KLF3: variants seen among roughly 807,000 people sequenced by gnomAD.
The protein encoded by KLF3 is Krueppel-like factor 3.
In KLF3, 6 loss-of-function variants were observed where a neutral mutation model predicts 32.7. The observed-to-expected ratio is 0.18, with a 90% CI of 0.10 to 0.36. KLF3 has a LOEUF of 0.36. Among genes scored for constraint, KLF3 ranks in the 10% least tolerant of loss-of-function variants. KLF3 has a pLI of 1.00. For synonymous variants in KLF3, 145 were observed against 172.8 expected, an observed-to-expected ratio of 0.84 and a Z score of 1.26; for missense variants, 338 against 449.7, an observed-to-expected ratio of 0.75 and a Z score of 2.25.
intron 1 of KLF3, chr4:38,664,816 C>T (rs969191946): frequency 1.3e-5 from 2 of 152,064 alleles, no homozygotes; most frequent in African/African-American, 4.8e-5. Flanking sequence ...CGGCCTCCTC[C>T]CGCCCGCTCA....
intron 1 of KLF3, chr4:38,664,930 CG>C (rs1453521967): frequency 6.7e-6 from 1 of 150,270 alleles, no homozygotes; most frequent in African/African-American, 2.4e-5. Flanking sequence ...CTCCCCCTCC[CG>C]GTGCCCCCCC....
rs540399541 is a variant in KLF3 at position 38,674,603 on chromosome 4, C to T, written c.-39-5984C>T. On this transcript the variant is annotated intron_variant, in intron 1 of 5. Transcript: ENST00000261438. This position sits in a 1 kb window ranked among gnomAD's most constrained non-coding sequence, Gnocchi z 4.1. Reference sequence around the variant, plus strand: ...TGCCTAGCCGAGGTCAGCTGGGAGACGGAAGTTTGCTTGGAGGAAGGCAGG... The same window carrying T: ...TGCCTAGCCGAGGTCAGCTGGGAGATGGAAGTTTGCTTGGAGGAAGGCAGG... Among the ~76,000 whole-genome samples the T allele has an allele frequency of 7.6e-4, 116 of 152,072 alleles. No individual in the cohort carries two copies. The highest frequency in any genetic ancestry group is 2.7e-3 in the African/African-American group (114 of 41,468).
At chr4:38,676,903 C>A (rs1722369397) in intron 1 of KLF3, among the ~76,000 whole-genome samples, 1 of 151,138 alleles carries the variant, frequency 6.6e-6, no homozygotes, top group South Asian at 2.1e-4. Context: ...AATAAACATA[C>A]CCTTGTAATT....
In KLF3 at chr4:38,688,489, T is replaced by G; in HGVS notation, c.58-96T>G. On this transcript the variant is annotated intron_variant, in intron 2 of 5. Transcript: ENST00000261438. This position sits in a 1 kb window ranked among gnomAD's most constrained non-coding sequence, Gnocchi z 4.9. ...AAACTATTTTGTAAAGCCCATGTAA[T>G]TGTTAAGTGCCTTGTTAGCATATTT... 8.1e-7 allele frequency: 1 copy of G among 1,230,002 alleles called. No individual in the cohort carries two copies. The highest frequency in any genetic ancestry group is 1.1e-6 in the Non-Finnish European group (1 of 883,220). 76.2% of individuals were successfully genotyped at this position (1,230,002 alleles called of 1,614,324 possible). A position where few individuals can be genotyped will look rare whatever the true frequency, so the allele number is the denominator to read the frequency against.
chr4:38,669,210 A>C (rs1722129636), intron 1 of KLF3, among the ~76,000 whole-genome samples: 1 of 152,186 alleles, frequency 6.6e-6, no homozygotes, highest in African/African-American at 2.4e-5. Context: ...ATCATTTATC[A>C]TTGGTTCTAG....
Position 38,694,825 on chromosome 4 carries a change from A to T in KLF3, c.775A>T (p.Ile259Leu). 6.2e-7 allele frequency: 1 copy of T among 1,608,910 alleles called. No homozygotes were observed. The highest frequency in any genetic ancestry group is 8.5e-7 in the Non-Finnish European group (1 of 1,178,266). The change falls in exon 5 of 6, where the codon ATA becomes TTA. Residue 259 changes from isoleucine to leucine, a missense_variant. Ile to Leu is a conservative substitution (Grantham distance 5). Transcript: ENST00000261438. ...CCCGGATACTCAAAGGAAGCGGAGG[A>T]TACACAGATGTGATTATGATGGATG... The part of the protein sequence containing the change: ...ESPDTQRKRR[I>L]HRCDYDGCNK...
In KLF3 at chr4:38,671,206, C is replaced by T. The variant is rs994204877; in HGVS notation, c.-40+6745C>T. 2.0e-5 allele frequency among the ~76,000 whole-genome samples: 3 copies of T among 152,206 alleles called. No homozygotes were observed. Among genetic ancestry groups the T allele is most frequent in the Admixed American group, 6.5e-5 (1 of 15,286 alleles). On this transcript the variant is annotated intron_variant, in intron 1 of 5. Coordinates refer to ENST00000261438, the MANE Select transcript of KLF3 (RefSeq NM_016531.6). The surrounding 1 kb of genome is among the most constrained non-coding windows in gnomAD (Gnocchi z 4.4). Reference sequence around the variant, plus strand: ...CTCCAACCAGCTCTGTGAAATTGGGCGAGTCATTTCACCTCTGTTCCTCCA... The same window carrying T: ...CTCCAACCAGCTCTGTGAAATTGGGTGAGTCATTTCACCTCTGTTCCTCCA...
In KLF3 at chr4:38,675,297, G is replaced by T. The variant is rs537357613; in HGVS notation, c.-39-5290G>T. On this transcript the variant is annotated intron_variant, in intron 1 of 5. Coordinates refer to ENST00000261438, the MANE Select transcript of KLF3 (RefSeq NM_016531.6). ...GGAAGATGGCATTTGCTCCAGTTAT[G>T]GAAAATTATTTTGGCGGTGGTGATG... Among the ~76,000 whole-genome samples, 497 of 152,248 alleles carry T rather than the reference G, an allele frequency of 3.3e-3. 5 individuals carry two copies. Among genetic ancestry groups the T allele is most frequent in the Non-Finnish European group, 5.2e-3 (356 of 68,018 alleles).
chr4:38,673,645 T>A (rs1275615184), intron 1 of KLF3, among the ~76,000 whole-genome samples: 1 of 152,176 alleles, frequency 6.6e-6, no homozygotes, highest in Non-Finnish European at 1.5e-5. Flanking sequence ...CCAGATGGCC[T>A]TGAACTTAGA....
chr4:38,691,054 T>A (rs1311730095), intron 4 of KLF3, among the ~76,000 whole-genome samples: 1 of 152,154 alleles, frequency 6.6e-6, no homozygotes, highest in Non-Finnish European at 1.5e-5. Flanking sequence ...GGAGTTATAT[T>A]TCATTATTCC....
At chr4:38,677,298 G>A (rs947657762) in intron 1 of KLF3, among the ~76,000 whole-genome samples, 9 of 152,108 alleles carry the variant, frequency 5.9e-5, no homozygotes, top group African/African-American at 2.2e-4. Flanking sequence ...TTTCTCTTAG[G>A]ATTACAAGTC....
intron 3 of KLF3, 68 bp downstream of exon 3, chr4:38,689,139 G>A: frequency 6.3e-7 from 1 of 1,577,256 alleles, no homozygotes; most frequent in South Asian, 1.2e-5. Context: ...AGATGGGGTG[G>A]GTGAGGAAGC....
intron 5 of KLF3, 120 bp downstream of exon 5, chr4:38,695,026 G>A (rs1190569579): frequency 5.8e-6 from 5 of 865,166 alleles, no homozygotes; most frequent in Non-Finnish European, 8.8e-6. Context: ...ATCTCCAGAT[G>A]TGTCTTCTCC....
rs932262174 is a variant in KLF3 at position 38,699,387 on chromosome 4, A to T, written c.*2124A>T. On this transcript the variant is annotated 3_prime_UTR_variant, in exon 6 of 6. Coordinates refer to ENST00000261438, the MANE Select transcript of KLF3 (RefSeq NM_016531.6). ...AAATGCTTAGTCATATTCATGGCAA[A>T]GTGTTCATTTCTTGAGATGGTTCTT... 1.3e-5 allele frequency: 2 copies of T among 152,218 alleles called. No individual in the cohort carries two copies. Among genetic ancestry groups the T allele is most frequent in the African/African-American group, 2.4e-5 (1 of 41,448 alleles). The allele number at this position is 152,218 out of a possible 1,614,324, so 9.4% of individuals were successfully genotyped here. A position where few individuals can be genotyped will look rare whatever the true frequency, so the allele number is the denominator to read the frequency against.
chr4:38,689,151 TG>T (rs1722798651), intron 3 of KLF3, 80 bp downstream of exon 3: 3 of 1,542,312 alleles, frequency 1.9e-6, no homozygotes, highest in Non-Finnish European at 1.8e-6. Context: ...TGAGGAAGCA[TG>T]GGGGCAAGAG....
At chr4:38,682,607 A>G (rs574742349) in intron 2 of KLF3, among the ~76,000 whole-genome samples, 1 of 152,226 alleles carries the variant, frequency 6.6e-6, no homozygotes. Flanking sequence ...AAGCATGAAC[A>G]TAAGGCTCAA....
At chr4:38,672,317 C>T (rs1264003825) in intron 1 of KLF3, among the ~76,000 whole-genome samples, 1 of 152,032 alleles carries the variant, frequency 6.6e-6, no homozygotes, top group Non-Finnish European at 1.5e-5. Context: ...GGGAGGGAGC[C>T]CTCTCAGGAA....
At chr4:38,666,984 T>C (rs558228647) in intron 1 of KLF3, among the ~76,000 whole-genome samples, 49 of 152,320 alleles carry the variant, frequency 3.2e-4, no homozygotes, top group Non-Finnish European at 5.4e-4. Context: ...ACAAAAGAAA[T>C]CAGGAGGGAG....
chr4:38,694,218 G>A (rs781196773), intron 4 of KLF3, among the ~76,000 whole-genome samples: 1 of 152,126 alleles, frequency 6.6e-6, no homozygotes, highest in Non-Finnish European at 1.5e-5. Flanking sequence ...GGATAAAAAC[G>A]TAGATATACC....
Sources: gnomAD v4.1 joint callset for allele counts (sites outside exome capture counted in the v4.1 genomes callset) on GRCh38, gnomAD v4.1.1 for gene constraint, Gnocchi (gnomAD v3.1) non-coding constraint, MANE v1.5 for transcripts, NCBI Gene and HGNC (gene_info 2026-07-23, HGNC 2026-07-21) for gene names.